Variants in ADAMTSL1 observed in about 807,000 individuals in gnomAD.
ADAMTSL1 encodes the protein ADAMTS like 1, also known as ADAMTS-like protein 1.
ADAMTSL1 carries 126 observed loss-of-function variants against 201.8 expected under a neutral mutation model. The observed-to-expected ratio is 0.62, with a 90% CI of 0.54 to 0.72. The LOEUF (loss-of-function observed/expected upper bound fraction) is 0.72. Ranked by LOEUF, ADAMTSL1 falls within the 30% of genes least tolerant of loss-of-function variation. The pLI, the probability that ADAMTSL1 is intolerant of heterozygous loss-of-function variation, is 0.00. For synonymous variants in ADAMTSL1, 1,121 were observed against 903.4 expected, an observed-to-expected ratio of 1.24 and a Z score of -4.32; for missense variants, 2,679 against 2,277.8, an observed-to-expected ratio of 1.18 and a Z score of -3.59.
intron 2 of ADAMTSL1, among the ~76,000 whole-genome samples, chr9:18,306,883 A>T (rs1269688006): frequency 6.6e-6 from 1 of 152,168 alleles, no homozygotes; most frequent in Non-Finnish European, 1.5e-5. Context: ...AACCCAAGAC[A>T]CATAATTGTC....
Position 18,042,760 on chromosome 9 carries a change from T to C in ADAMTSL1, c.88-121102T>C, listed in dbSNP as rs980140623. On this transcript the variant is annotated intron_variant, in intron 1 of 29. Coordinates refer to the ADAMTSL1 transcript ENST00000680146. ...AGCCTGAGTTATAACTTCTACTCTG[T>C]AGTCTAAGAAGTGCCAAGAAGGTAT... Among the ~76,000 whole-genome samples the C allele has an allele frequency of 2.0e-5, 3 of 152,162 alleles. No homozygotes were observed. The East Asian group carries it at 5.8e-4, about 29-fold the overall frequency.
intron 1 of ADAMTSL1, among the ~76,000 whole-genome samples, chr9:18,116,455 C>G (rs116726067): frequency 2.6e-3 from 389 of 152,240 alleles, no homozygotes; most frequent in African/African-American, 8.7e-3. Flanking sequence ...CATAAGGGCT[C>G]TTGGTTGCTG....
At chr9:18,242,714 C>T (rs1005903057) in intron 2 of ADAMTSL1, among the ~76,000 whole-genome samples, 4 of 151,998 alleles carry the variant, frequency 2.6e-5, no homozygotes, top group Non-Finnish European at 5.9e-5. Context: ...ATACACAAAT[C>T]ACAACCTAAT....
intron 23 of ADAMTSL1, among the ~76,000 whole-genome samples, chr9:18,863,640 A>G (rs1385769541): frequency 1.3e-5 from 2 of 152,156 alleles, no homozygotes; most frequent in Non-Finnish European, 1.5e-5. Context: ...TGAATTAATC[A>G]TTCCTCTCAG....
intron 15 of ADAMTSL1, among the ~76,000 whole-genome samples, chr9:18,727,340 T>A (rs1467265154): frequency 6.6e-6 from 1 of 152,222 alleles, no homozygotes; most frequent in Non-Finnish European, 1.5e-5. Flanking sequence ...CACACTAACT[T>A]TTAAGTGCTT....
intron 4 of ADAMTSL1, among the ~76,000 whole-genome samples, chr9:18,586,974 CT>C (rs1036089132): frequency 6.6e-6 from 1 of 151,958 alleles, no homozygotes; most frequent in Non-Finnish European, 1.5e-5. Context: ...AAATGTAAAA[CT>C]AAATACTATT....
chr9:18,445,007 T>C (rs1404884937), intron 2 of ADAMTSL1, among the ~76,000 whole-genome samples: 1 of 152,086 alleles, frequency 6.6e-6, no homozygotes, highest in Non-Finnish European at 1.5e-5. Flanking sequence ...CTTATTTGCC[T>C]AAGGTCAAAT....
At position 18,639,424 on chromosome 9, in the gene ADAMTSL1, T is replaced by A; in HGVS notation, c.834+13T>A. On this transcript the variant is annotated intron_variant, in intron 7 of 28. Coordinates refer to ENST00000380548, the MANE Select transcript of ADAMTSL1 (RefSeq NM_001040272.6). ...TTTCATTGTCAAGGTGAGCCCTATT[T>A]AGATACCTCCTTTTCAAGCCACATC... 3 of 1,607,374 alleles carry A rather than the reference T, an allele frequency of 1.9e-6. No individual in the cohort carries two copies. The highest frequency in any genetic ancestry group is 2.6e-6 in the Non-Finnish European group (3 of 1,176,190).
intron 1 of ADAMTSL1, among the ~76,000 whole-genome samples, chr9:17,926,354 C>A (rs978590471): frequency 6.6e-6 from 1 of 152,066 alleles, no homozygotes; most frequent in African/African-American, 2.4e-5. Flanking sequence ...AAATAACCCC[C>A]AAAACACGAT....
At chr9:18,819,745 G>A (rs1824092921) in intron 21 of ADAMTSL1, among the ~76,000 whole-genome samples, 1 of 152,112 alleles carries the variant, frequency 6.6e-6, no homozygotes, top group African/African-American at 2.4e-5. Context: ...CTGTATTAAT[G>A]CTGATTAACT....
intron 7 of ADAMTSL1, among the ~76,000 whole-genome samples, chr9:18,656,407 A>G (rs541386722): frequency 2.6e-5 from 4 of 152,124 alleles, no homozygotes; most frequent in Admixed American, 2.6e-4. Flanking sequence ...CGAGGCGGGC[A>G]GATCACGAGG....
intron 2 of ADAMTSL1, among the ~76,000 whole-genome samples, chr9:18,508,449 A>G (rs4400483): frequency 0.013 from 1,946 of 152,314 alleles, 10 homozygotes; most frequent in African/African-American, 0.02. Context: ...TCCTCCATAT[A>G]TAGTTTGAAT....
intron 2 of ADAMTSL1, among the ~76,000 whole-genome samples, chr9:18,339,656 T>G (rs1835390235): frequency 6.6e-6 from 1 of 152,130 alleles, no homozygotes; most frequent in Admixed American, 6.6e-5. Flanking sequence ...GGATCTCACT[T>G]TGTTGCCCAG....
chr9:17,975,320 C>T (rs1468017180), intron 1 of ADAMTSL1, among the ~76,000 whole-genome samples: 1 of 151,904 alleles, frequency 6.6e-6, no homozygotes, highest in East Asian at 1.9e-4. Context: ...TAGCTTACAA[C>T]AATATAAATT....
intron 16 of ADAMTSL1, among the ~76,000 whole-genome samples, chr9:18,757,727 G>A (rs1202172006): frequency 2.6e-5 from 4 of 152,082 alleles, no homozygotes; most frequent in Non-Finnish European, 4.4e-5. Flanking sequence ...TAACAACCAC[G>A]TTACCCACTC....
chr9:17,915,262 T>G (rs988618507), intron 1 of ADAMTSL1, among the ~76,000 whole-genome samples: 2 of 152,218 alleles, frequency 1.3e-5, no homozygotes, highest in Non-Finnish European at 2.9e-5. Context: ...TTACTGTGAA[T>G]TAGTTTGCAT....
At chr9:18,068,835 G>A (rs115946158) in intron 1 of ADAMTSL1, among the ~76,000 whole-genome samples, 63 of 152,314 alleles carry the variant, frequency 4.1e-4, no homozygotes, top group African/African-American at 1.4e-3. Context: ...GCCTAAGGCA[G>A]CATGTGAAAG....
chr9:18,463,785 G>T (rs1053474898), intron 2 of ADAMTSL1, among the ~76,000 whole-genome samples: 1 of 152,014 alleles, frequency 6.6e-6, no homozygotes, highest in Non-Finnish European at 1.5e-5. Flanking sequence ...TTTATTTTTT[G>T]CTATTGTATT....
rs141775601 is a variant in ADAMTSL1 at position 18,562,747 on chromosome 9, C to T, written c.238-11283C>T. ...TCTTTTTTCTCTAATCTTGTCTTCA[C>T]GGTTTATTTCATTAAGATGATCTTC... On this transcript the variant is annotated intron_variant, in intron 3 of 28. Transcript: ENST00000380548. Among the ~76,000 whole-genome samples, 83 of 152,244 alleles carry T rather than the reference C, an allele frequency of 5.5e-4. 1 individual carries two copies. In the East Asian group the frequency reaches 9.5e-3, roughly 17 times the overall value.
Sources: gnomAD v4.1 joint callset for allele counts (sites outside exome capture counted in the v4.1 genomes callset) on GRCh38, gnomAD v4.1.1 for gene constraint, MANE v1.5 for transcripts, NCBI Gene and HGNC (gene_info 2026-07-23, HGNC 2026-07-21) for gene names.